TLCD4: variants seen among roughly 807,000 people sequenced by gnomAD.
TLCD4 encodes TLC domain-containing protein 4.
Under a neutral mutation model 24.2 loss-of-function variants are expected in TLCD4, and 7 were observed. The observed-to-expected ratio is 0.29, with a 90% confidence interval of 0.16 to 0.54. The LOEUF is 0.54. Among genes scored for constraint, TLCD4 ranks in the 20% least tolerant of loss-of-function variants. TLCD4 has a pLI of 0.95. For missense variants in TLCD4, 259 were observed against 313.9 expected (o/e 0.82, Z 1.32); for synonymous variants, 103 against 106.4 (o/e 0.97, Z 0.20).
At position 95,163,692 on chromosome 1, in the gene TLCD4, A is replaced by C. The variant is rs146396727; in HGVS notation, c.400-10124A>C. On this transcript the variant is annotated intron_variant, in intron 5 of 6. Transcript: ENST00000370203. ...ACATACAGATGGGGTTTTGGTGTGG[A>C]TGTCCTTTCTGTTTGTTAGTTTTCC... is the stretch of plus-strand genomic sequence containing the variant. 5.3e-3 allele frequency: 812 copies of C among 152,202 alleles called. 2 individuals carry two copies. Among genetic ancestry groups the C allele is most frequent in the South Asian group, 9.3e-3 (45 of 4,824 alleles). 9.4% of individuals were successfully genotyped at this position (152,202 alleles called of 1,614,324 possible).
At chr1:95,112,993 G>A (rs1234116702), upstream of TLCD4, among the ~76,000 whole-genome samples, 2 of 151,390 alleles carry the variant, frequency 1.3e-5, no homozygotes, top group African/African-American at 4.9e-5. Flanking sequence ...TGGAATTACA[G>A]TTGTGAGCCA....
intron 3 of TLCD4, among the ~76,000 whole-genome samples, 200 bp from the exon 4 acceptor site, chr1:95,150,007 CT>C (rs1377240944): frequency 2.6e-5 from 4 of 152,126 alleles, no homozygotes; most frequent in African/African-American, 9.7e-5. Context: ...AGTTACCTTA[CT>C]GCTAACACCA....
At position 95,142,737 on chromosome 1, in the gene TLCD4, G is replaced by A. The variant is rs551654877; in HGVS notation, c.-11-1154G>A. On this transcript the variant is annotated intron_variant, in intron 1 of 6. Coordinates refer to ENST00000370203, the MANE Select transcript of TLCD4 (RefSeq NM_152487.3). Reference sequence around the variant, plus strand: ...GAGGCTGAGGTGGGCAGATCACGAGGTCAGGAGTTCAAGACCAGTCTGGCC... The same window carrying A: ...GAGGCTGAGGTGGGCAGATCACGAGATCAGGAGTTCAAGACCAGTCTGGCC... Among the ~76,000 whole-genome samples the A allele has an allele frequency of 5.9e-5, 9 of 152,222 alleles. No homozygotes were observed. The East Asian group carries it at 1.5e-3, about 26-fold the overall frequency.
chr1:95,111,904 C>T, the TLCD4 span, among the ~76,000 whole-genome samples: 3 of 152,064 alleles, frequency 2.0e-5, no homozygotes, highest in Admixed American at 6.5e-5. Flanking sequence ...TTTGGTGAAG[C>T]GTTCTCATAA....
the TLCD4 span, among the ~76,000 whole-genome samples, chr1:95,101,008 A>G: frequency 6.6e-6 from 1 of 151,618 alleles, no homozygotes; most frequent in African/African-American, 2.4e-5. Flanking sequence ...CCTGGGTTCA[A>G]GTGATTCTCC....
chr1:95,113,039 CTTTCTTTTT>C (rs1160669476), upstream of TLCD4, among the ~76,000 whole-genome samples: 3 of 148,064 alleles, frequency 2.0e-5, no homozygotes, highest in Admixed American at 2.0e-4. Flanking sequence ...TTTTTCTTTT[CTTTCTTTTT>C]TTTTTTTTTT....
intron 3 of TLCD4, among the ~76,000 whole-genome samples, chr1:95,149,931 T>G (rs74103676): frequency 0.029 from 4,484 of 152,286 alleles, 167 homozygotes; most frequent in African/African-American, 0.085. Context: ...TCCAGCTATT[T>G]TAGTTAGTGT....
intron 1 of TLCD4, among the ~76,000 whole-genome samples, chr1:95,131,810 C>T (rs1272124826): frequency 6.6e-6 from 1 of 152,108 alleles, no homozygotes; most frequent in Admixed American, 6.5e-5. Flanking sequence ...GGTTTGTCCC[C>T]ATCAAAACTC....
Position 95,195,116 on chromosome 1 carries a change from T to C in TLCD4, c.*3248T>C, listed in dbSNP as rs1386929936. 6.6e-6 allele frequency: 1 copy of C among 152,208 alleles called. No homozygotes were observed. Among genetic ancestry groups the C allele is most frequent in the Non-Finnish European group, 1.5e-5 (1 of 68,042 alleles). The allele number at this position is 152,208 out of a possible 1,614,324, so 9.4% of individuals were successfully genotyped here. On this transcript the variant is annotated 3_prime_UTR_variant, in exon 7 of 7. Transcript: ENST00000370203. ...TTGTAAGTATTTGAATCCAGTTCTT[T>C]TCTAAATTTTAATAATTTGACTCAA... is the stretch of plus-strand genomic sequence containing the variant.
chr1:95,151,387 T>G lies in TLCD4; in HGVS notation c.367T>G (p.Cys123Gly), dbSNP rs1371224661. ...IGDKFFIMHH[C>G]ASLYAYYLVL... is the part of the protein sequence containing the mutation. ...TGACAAATTTTTTATAATGCATCATTGTGCGTCCCTGTATGCATACTACCT... is the reference window on the plus strand; with the variant it reads ...TGACAAATTTTTTATAATGCATCATGGTGCGTCCCTGTATGCATACTACCT... The change falls in exon 5 of 7, where the codon TGT becomes GGT. Residue 123 changes from cysteine to glycine, a missense_variant. Cys to Gly is a radical substitution (Grantham distance 159, BLOSUM62 -3). Coordinates refer to ENST00000370203, the MANE Select transcript of TLCD4 (RefSeq NM_152487.3). The G allele has an allele frequency of 6.2e-7, 1 of 1,613,388 alleles. No individual in the cohort carries two copies. Among genetic ancestry groups the G allele is most frequent in the Non-Finnish European group, 8.5e-7 (1 of 1,179,494 alleles).
the TLCD4 span, among the ~76,000 whole-genome samples, chr1:95,109,297 T>C: frequency 1.3e-5 from 2 of 152,026 alleles, no homozygotes; most frequent in Non-Finnish European, 2.9e-5. Flanking sequence ...GAGCCAAAAT[T>C]GTGCCACTGC....
At position 95,195,830 on chromosome 1, in the gene TLCD4, C is replaced by T. The variant is rs1294213896; in HGVS notation, c.*3962C>T. The T allele has an allele frequency of 6.6e-6, 1 of 152,174 alleles. No individual in the cohort carries two copies. The highest frequency in any genetic ancestry group is 1.5e-5 in the Non-Finnish European group (1 of 68,024). The allele number at this position is 152,174 out of a possible 1,614,324, so 9.4% of individuals were successfully genotyped here. A position where few individuals can be genotyped will look rare whatever the true frequency, so the allele number is the denominator to read the frequency against. On this transcript the variant is annotated 3_prime_UTR_variant, in exon 7 of 7. Transcript: ENST00000370203. ...CCCTTAAACGCCGTGATAGTCCTCCCTTGATCTAGAAGTATTCTCTTTGAA... is the reference window on the plus strand; with the variant it reads ...CCCTTAAACGCCGTGATAGTCCTCCTTTGATCTAGAAGTATTCTCTTTGAA...
intron 1 of TLCD4, among the ~76,000 whole-genome samples, chr1:95,121,880 C>T (rs1676581711): frequency 6.6e-6 from 1 of 152,250 alleles, no homozygotes; most frequent in African/African-American, 2.4e-5. Context: ...TGGGGGTCAT[C>T]TAAACAGCTT....
chr1:95,126,379 G>C (rs1006407350), intron 1 of TLCD4, among the ~76,000 whole-genome samples: 1 of 147,908 alleles, frequency 6.8e-6, no homozygotes, highest in Non-Finnish European at 1.5e-5. Flanking sequence ...AGTGAGCCGA[G>C]ATCACTCCAC....
intron 1 of TLCD4, among the ~76,000 whole-genome samples, chr1:95,133,233 G>A (rs997500550): frequency 6.6e-6 from 1 of 152,156 alleles, no homozygotes; most frequent in East Asian, 1.9e-4. Context: ...TCCATGTGTT[G>A]TGGGGTGGGG....
upstream of TLCD4, among the ~76,000 whole-genome samples, chr1:95,113,606 G>GT (rs1054792372): frequency 6.6e-6 from 1 of 152,076 alleles, no homozygotes; most frequent in Non-Finnish European, 1.5e-5. Context: ...ACTCATTGAT[G>GT]TTTTTTGTTA....
chr1:95,119,717 G>C (rs1258812026), intron 1 of TLCD4, among the ~76,000 whole-genome samples: 1 of 150,750 alleles, frequency 6.6e-6, no homozygotes, highest in Non-Finnish European at 1.5e-5. Context: ...GAGGCCCAGC[G>C]TTCATGTTCC....
chr1:95,183,276 C>T (rs7540042), intron 6 of TLCD4, among the ~76,000 whole-genome samples: 150,098 of 152,292 alleles, frequency 0.99, 74,002 homozygotes, highest in East Asian at 1. Context: ...TGGCAATGAA[C>T]GGATAAAAAA....
chr1:95,153,647 C>G (rs1017135130), intron 5 of TLCD4, among the ~76,000 whole-genome samples: 3 of 152,138 alleles, frequency 2.0e-5, no homozygotes, highest in Non-Finnish European at 4.4e-5. Context: ...TTTGCCCAGT[C>G]AGACCACATC....
Sources: gnomAD v4.1 joint callset for allele counts (sites outside exome capture counted in the v4.1 genomes callset) on GRCh38, gnomAD v4.1.1 for gene constraint, MANE v1.5 for transcripts, NCBI Gene and HGNC (gene_info 2026-07-23, HGNC 2026-07-21) for gene names.